TRMU: variants seen among roughly 807,000 people sequenced by gnomAD.
TRMU encodes tRNA mitochondrial 2-thiouridylase.
TRMU carries 49 observed loss-of-function variants against 46.9 expected under a neutral mutation model. The ratio of observed to expected loss-of-function variants is 1.05; its 90% CI spans 0.83 to 1.33. TRMU has a LOEUF of 1.33. TRMU is among the 40% of genes most tolerant of loss of function. The pLI is 0.00. For synonymous variants in TRMU, 241 were observed against 200.9 expected (o/e 1.20, Z -1.69); for missense variants, 572 against 532.4 (o/e 1.07, Z -0.73).
At position 46,336,809 on chromosome 22, in the gene TRMU, C is replaced by G; in HGVS notation, c.82+963C>G. On this transcript the variant is annotated intron_variant, in intron 1 of 10. Transcript: ENST00000645190. This position sits in a 1 kb window ranked among gnomAD's most constrained non-coding sequence, Gnocchi z 4.1. ...GGAAGGGAGAGTGGAGGAAAGCATCCTAGAGATGGAGGTGCTCAGCTGAGT... is the reference window on the plus strand; with the variant it reads ...GGAAGGGAGAGTGGAGGAAAGCATCGTAGAGATGGAGGTGCTCAGCTGAGT... 1 of 152,128 alleles carries G rather than the reference C, an allele frequency of 6.6e-6. No individual in the cohort carries two copies. Among genetic ancestry groups the G allele is most frequent in the East Asian group, 1.9e-4 (1 of 5,180 alleles). The allele number at this position is 152,128 out of a possible 1,614,324, so 9.4% of individuals were successfully genotyped here.
chr22:46,338,665 G>A lies in TRMU; in HGVS notation c.248+721G>A, dbSNP rs963388369. Among the ~76,000 whole-genome samples, 6 of 152,232 alleles carry A rather than the reference G, an allele frequency of 3.9e-5. No individual in the cohort carries two copies. The highest frequency in any genetic ancestry group is 1.4e-4 in the African/African-American group (6 of 41,458). ...TTGTAGAGAAGGGACTCCAAATGGG[G>A]TAACGAGAGCAGCGTGAAGGGGAGA... On this transcript the variant is annotated intron_variant, in intron 2 of 10. Coordinates refer to ENST00000645190, the MANE Select transcript of TRMU (RefSeq NM_018006.5). This position sits in a 1 kb window ranked among gnomAD's most constrained non-coding sequence, Gnocchi z 4.5.
Position 46,350,759 on chromosome 22 carries a change from C to T in TRMU, c.651+296C>T, listed in dbSNP as rs1223547261. Among the ~76,000 whole-genome samples the T allele has an allele frequency of 1.1e-4, 16 of 152,228 alleles. No individual in the cohort carries two copies. Among genetic ancestry groups the T allele is most frequent in the Non-Finnish European group, 2.2e-4 (15 of 68,048 alleles). On this transcript the variant is annotated intron_variant, in intron 5 of 10. Coordinates refer to ENST00000645190, the MANE Select transcript of TRMU (RefSeq NM_018006.5). This position sits in a 1 kb window ranked among gnomAD's most constrained non-coding sequence, Gnocchi z 4.6. ...GTGGGGTGCTCTTGGGATGGCCTGC[C>T]TGCCAGGTGAGTGCCAGGCAGTGTG...
At chr22:46,356,502 G>A (rs992123990) in intron 10 of TRMU, 26 of 432,722 alleles carry the variant, frequency 6.0e-5, no homozygotes, top group African/African-American at 2.6e-4. Context: ...TGAGGGAAGC[G>A]GAAGCATCCT....
Position 46,353,170 on chromosome 22 carries a change from C to G in TRMU, c.773-597C>G, listed in dbSNP as rs575569196. 3.8e-3 allele frequency: 624 copies of G among 166,106 alleles called. 10 individuals carry two copies. Among genetic ancestry groups the G allele is most frequent in the African/African-American group, 0.015 (610 of 41,856 alleles). The allele number at this position is 166,106 out of a possible 1,614,324, so 10.3% of individuals were successfully genotyped here. ...AGGATTGCCCATGTATCTGCCAGCC[C>G]TGGCCCCAGCAGGAGCCAGTTGGAT... On this transcript the variant is annotated intron_variant, in intron 7 of 10. Transcript: ENST00000645190.
rs114880598 is a variant in TRMU, at chr22:46,336,090, A to G, written c.82+244A>G. On this transcript the variant is annotated intron_variant, in intron 1 of 10. Coordinates refer to ENST00000645190, the MANE Select transcript of TRMU (RefSeq NM_018006.5). This position sits in a 1 kb window ranked among gnomAD's most constrained non-coding sequence, Gnocchi z 4.1. The stretch of plus-strand genomic sequence containing the variant: ...AGCAGTTCCGCGCCCCTCTCCACCC[A>G]CGCGCGCCCACCCACAGTGAGAAGC... The G allele has an allele frequency of 0.012, 15,629 of 1,325,848 alleles. 1,437 individuals carry two copies. The African/African-American group carries it at 0.21, about 18-fold the overall frequency. 82.1% of individuals were successfully genotyped at this position (1,325,848 alleles called of 1,614,324 possible).
At position 46,356,913 on chromosome 22, in the gene TRMU, C is replaced by G. The variant is rs2078629789; in HGVS notation, c.1173C>G (p.Tyr391Ter). ...GKILRLGPSA[Y>*]TLQKGQRRAG... is the part of the protein sequence containing the mutation. ...TCCTGCGGCTGGGGCCGTCTGCCTA[C>G]ACGCTCCAGAAGGGCCAGCGCAGAG... Residue 391 changes from tyrosine to a stop codon, truncating the protein, a stop_gained, in exon 11 of 11, where the codon TAC becomes TAG. Transcript: ENST00000645190. LOFTEE classifies it low-confidence loss of function (END_TRUNC). The G allele has an allele frequency of 6.2e-7, 1 of 1,613,288 alleles. No homozygotes were observed. The highest frequency in any genetic ancestry group is 2.2e-5 in the East Asian group (1 of 44,878).
chr22:46,346,796 T>G (rs1369189209), intron 4 of TRMU, among the ~76,000 whole-genome samples: 4 of 152,246 alleles, frequency 2.6e-5, no homozygotes, highest in African/African-American at 9.6e-5. Context: ...CAGATACTGA[T>G]AATCCAGCTC....
At chr22:46,354,102 G>A (rs1319910645) in intron 8 of TRMU, 4 of 469,976 alleles carry the variant, frequency 8.5e-6, no homozygotes, top group East Asian at 4.0e-5. Flanking sequence ...CCTGAACCCC[G>A]ATACACAGAT....
In TRMU at chr22:46,339,790, C is replaced by T. The variant is rs1262930074; in HGVS notation, c.248+1846C>T. On this transcript the variant is annotated intron_variant, in intron 2 of 10. Coordinates refer to ENST00000645190, the MANE Select transcript of TRMU (RefSeq NM_018006.5). The surrounding 1 kb of genome is among the most constrained non-coding windows in gnomAD (Gnocchi z 4.8). ...ACTCTATGCTATAACATATGGGTGT[C>T]GTATATATTAACAACATGGACAAAA... Among the ~76,000 whole-genome samples the T allele has an allele frequency of 2.0e-5, 3 of 152,056 alleles. No individual in the cohort carries two copies. The East Asian group carries it at 5.8e-4, about 29-fold the overall frequency.
rs2078329702 is a variant in TRMU at position 46,348,898 on chromosome 22, G to A, written c.479-1393G>A. 6.6e-6 allele frequency among the ~76,000 whole-genome samples: 1 copy of A among 152,046 alleles called. No individual in the cohort carries two copies. Among genetic ancestry groups the A allele is most frequent in the Non-Finnish European group, 1.5e-5 (1 of 68,024 alleles). On this transcript the variant is annotated intron_variant, in intron 4 of 10. Transcript: ENST00000645190. This position sits in a 1 kb window ranked among gnomAD's most constrained non-coding sequence, Gnocchi z 4.8. ...GCCTGTAATCACAGCACTTTGGGAA[G>A]CCAAGGCAGGCGGATCATGAGGTCA...
chr22:46,345,754 A>G (rs1486290915), intron 3 of TRMU, among the ~76,000 whole-genome samples: 1 of 146,102 alleles, frequency 6.8e-6, no homozygotes, highest in Non-Finnish European at 1.5e-5. Flanking sequence ...AGTGTTGAAC[A>G]TTTTGGTTCT....
At chr22:46,355,822 C>A in intron 9 of TRMU, 168 bp from the exon 10 acceptor site, 1 of 991,526 alleles carries the variant, frequency 1.0e-6, no homozygotes, top group Non-Finnish European at 1.5e-6. Flanking sequence ...CAAGTGTGTA[C>A]ACTGCCCCGC....
At position 46,349,052 on chromosome 22, in the gene TRMU, T is replaced by G. The variant is rs1323815330; in HGVS notation, c.479-1239T>G. Among the ~76,000 whole-genome samples, 14 of 150,856 alleles carry G rather than the reference T, an allele frequency of 9.3e-5. No individual in the cohort carries two copies. The highest frequency in any genetic ancestry group is 3.4e-4 in the African/African-American group (14 of 40,908). ...TACTCTGGAGGCTGAGACAGGAGAA[T>G]CACTTGAACCCAGGAGGCGGAGATT... On this transcript the variant is annotated intron_variant, in intron 4 of 10. Coordinates refer to ENST00000645190, the MANE Select transcript of TRMU (RefSeq NM_018006.5). The surrounding 1 kb of genome is among the most constrained non-coding windows in gnomAD (Gnocchi z 4.6).
At chr22:46,345,132 G>A (rs1315863119) in intron 3 of TRMU, among the ~76,000 whole-genome samples, 1 of 152,150 alleles carries the variant, frequency 6.6e-6, no homozygotes, top group Non-Finnish European at 1.5e-5. Flanking sequence ...GTGCAGTGGT[G>A]TGATCTCGGC....
rs140051 is a variant in TRMU at position 46,345,710 on chromosome 22, C to G, written c.356-712C>G. Among the ~76,000 whole-genome samples, 9 of 151,824 alleles carry G rather than the reference C, an allele frequency of 5.9e-5. No individual in the cohort carries two copies. In the East Asian group the frequency reaches 1.2e-3, roughly 20 times the overall value. On this transcript the variant is annotated intron_variant, in intron 3 of 10. Transcript: ENST00000645190. The stretch of plus-strand genomic sequence containing the variant: ...TTCTCTGTAAGGACCCCCATTGTTA[C>G]GGCAGTGCATTGTCATTCACTTCAC...
intron 4 of TRMU, among the ~76,000 whole-genome samples, 191 bp downstream of exon 4, chr22:46,346,735 T>C (rs2078268758): frequency 6.6e-6 from 1 of 152,154 alleles, no homozygotes; most frequent in Admixed American, 6.5e-5. Context: ...TGTGATTGGG[T>C]AGTAAACAGT....
At chr22:46,343,435 G>C (rs1344478603) in intron 3 of TRMU, 67 bp downstream of exon 3, 1 of 1,204,470 alleles carries the variant, frequency 8.3e-7, no homozygotes, top group African/African-American at 1.5e-5. Context: ...ACCCAGGCTG[G>C]ATTGCAGTGG....
At position 46,350,731 on chromosome 22, in the gene TRMU, C is replaced by T. The variant is rs139463781; in HGVS notation, c.651+268C>T. Among the ~76,000 whole-genome samples, 1 of 152,216 alleles carries T rather than the reference C, an allele frequency of 6.6e-6. No individual in the cohort carries two copies. The highest frequency in any genetic ancestry group is 2.4e-5 in the African/African-American group (1 of 41,464). The stretch of plus-strand genomic sequence containing the variant: ...GCAGCTTTCCCCACAGCCTTAGCAG[C>T]TGGTGGGGTGCTCTTGGGATGGCCT... On this transcript the variant is annotated intron_variant, in intron 5 of 10. Transcript: ENST00000645190. This position sits in a 1 kb window ranked among gnomAD's most constrained non-coding sequence, Gnocchi z 4.6.
chr22:46,335,801 G>C lies in TRMU; in HGVS notation c.37G>C (p.Gly13Arg). The C allele has an allele frequency of 1.3e-6, 2 of 1,562,726 alleles. No individual in the cohort carries two copies. The highest frequency in any genetic ancestry group is 1.7e-6 in the Non-Finnish European group (2 of 1,159,262). Residue 13 changes from glycine (G) to arginine (R), a missense_variant, in exon 1 of 11, where the codon GGC becomes CGC. Transcript: ENST00000645190. Reference sequence around the variant, plus strand: ...GCGGCACGTCGTGTGCGCCCTGTCCGGCGGCGTGGACAGCGCCGTGGCCGC... The same window carrying C: ...GCGGCACGTCGTGTGCGCCCTGTCCCGCGGCGTGGACAGCGCCGTGGCCGC... ...ALRHVVCALS[G>R]GVDSAVAALL...
Sources: gnomAD v4.1 joint callset for allele counts (sites outside exome capture counted in the v4.1 genomes callset) on GRCh38, gnomAD v4.1.1 for gene constraint, Gnocchi (gnomAD v3.1) non-coding constraint, MANE v1.5 for transcripts, NCBI Gene and HGNC (gene_info 2026-07-23, HGNC 2026-07-21) for gene names.